Variants in ZNF644 observed in about 807,000 individuals in gnomAD.
ZNF644 encodes the protein zinc finger motif enhancer binding protein 2.
In ZNF644, 20 loss-of-function variants were observed where a neutral mutation model predicts 108.0. The ratio of observed to expected loss-of-function variants is 0.19; its 90% CI spans 0.13 to 0.27. The LOEUF is 0.27. Among genes scored for constraint, ZNF644 ranks in the 10% least tolerant of loss-of-function variants. ZNF644 has a pLI of 1.00. For synonymous variants in ZNF644, 542 were observed against 539.1 expected, an observed-to-expected ratio of 1.01 and a Z score of -0.08; for missense variants, 1,338 against 1,548.9, an observed-to-expected ratio of 0.86 and a Z score of 2.29.
chr1:90,965,768 A>G (rs1180697214), intron 2 of ZNF644, among the ~76,000 whole-genome samples: 1 of 151,852 alleles, frequency 6.6e-6, no homozygotes, highest in African/African-American at 2.4e-5. Context: ...CTTTTTTTTG[A>G]GATGGAGTTT....
At chr1:90,959,331 A>G (rs759329483) in intron 2 of ZNF644, among the ~76,000 whole-genome samples, 3 of 152,208 alleles carry the variant, frequency 2.0e-5, no homozygotes, top group Non-Finnish European at 4.4e-5. Context: ...AGTATGGATA[A>G]TAAGTTTGGC....
In ZNF644 at chr1:91,012,852, C is replaced by T. The variant is rs185733588; in HGVS notation, c.-18+9138G>A. On this transcript the variant is annotated intron_variant, in intron 1 of 5. Coordinates refer to ENST00000337393, the MANE Select transcript of ZNF644 (RefSeq NM_201269.3). ...CTGTATGTTATACCTAAAAAAAATA[C>T]TTAAAAACAAGTAACCAATTAATAG... 5.5e-3 allele frequency among the ~76,000 whole-genome samples: 829 copies of T among 151,968 alleles called. 6 individuals are homozygous for T. The highest frequency in any genetic ancestry group is 0.01 in the Middle Eastern group (3 of 294).
At chr1:90,929,662 C>T (rs1650493171) in intron 4 of ZNF644, among the ~76,000 whole-genome samples, 1 of 152,142 alleles carries the variant, frequency 6.6e-6, no homozygotes, top group Non-Finnish European at 1.5e-5. Flanking sequence ...TCAGAAAGTG[C>T]TCCCATAGCA....
intron 2 of ZNF644, among the ~76,000 whole-genome samples, chr1:90,979,223 G>C (rs1656301916): frequency 6.6e-6 from 1 of 152,186 alleles, no homozygotes; most frequent in East Asian, 1.9e-4. Context: ...TGTAATCCCA[G>C]CACTTCGGAA....
intron 1 of ZNF644, among the ~76,000 whole-genome samples, chr1:91,010,859 CCAGA>C (rs1435830560): frequency 2.6e-5 from 4 of 152,042 alleles, no homozygotes; most frequent in African/African-American, 9.7e-5. Context: ...GGAAATACAA[CCAGA>C]CAAACAAGAC....
At chr1:90,952,197 T>C (rs969307819) in intron 2 of ZNF644, among the ~76,000 whole-genome samples, 1 of 152,240 alleles carries the variant, frequency 6.6e-6, no homozygotes, top group Non-Finnish European at 1.5e-5. Context: ...TTGGTTTAGC[T>C]GTAAAGACTG....
At chr1:91,017,881 G>C (rs952831761) in intron 1 of ZNF644, among the ~76,000 whole-genome samples, 1 of 152,188 alleles carries the variant, frequency 6.6e-6, no homozygotes, top group Admixed American at 6.5e-5. Flanking sequence ...AGAATCACTT[G>C]AACCTGAGAG....
intron 1 of ZNF644, among the ~76,000 whole-genome samples, chr1:90,995,904 A>ATGT (rs1658101407): frequency 6.6e-6 from 1 of 152,226 alleles, no homozygotes; most frequent in African/African-American, 2.4e-5. Context: ...GAACCTGACC[A>ATGT]TGTTGGCACT....
intron 2 of ZNF644, among the ~76,000 whole-genome samples, chr1:90,945,921 T>C (rs1229980115): frequency 6.6e-6 from 1 of 152,078 alleles, no homozygotes; most frequent in Non-Finnish European, 1.5e-5. Context: ...TATTAGTTCA[T>C]TAATTGCTAT....
intron 1 of ZNF644, among the ~76,000 whole-genome samples, chr1:91,006,450 G>A (rs1255892114): frequency 6.6e-6 from 1 of 152,034 alleles, no homozygotes; most frequent in African/African-American, 2.4e-5. Flanking sequence ...TGCTTCCCTG[G>A]AATCTGGGGA....
At chr1:91,020,358 T>C (rs1212528198) in intron 1 of ZNF644, 4 of 152,206 alleles carry the variant, frequency 2.6e-5, no homozygotes, top group Non-Finnish European at 5.9e-5. Context: ...CAAGGAATTC[T>C]GTTAATTGCC....
intron 2 of ZNF644, among the ~76,000 whole-genome samples, chr1:90,961,754 T>C (rs1448152736): frequency 6.6e-6 from 1 of 152,128 alleles, no homozygotes; most frequent in East Asian, 1.9e-4. Flanking sequence ...CATTTAAAAT[T>C]TGTTTAATTT....
At chr1:90,993,541 G>T (rs893051829) in intron 1 of ZNF644, among the ~76,000 whole-genome samples, 1 of 152,164 alleles carries the variant, frequency 6.6e-6, no homozygotes, top group Non-Finnish European at 1.5e-5. Context: ...TTAGCTAACT[G>T]ACAGAGCAAC....
chr1:90,946,364 A>T (rs1652517758), intron 2 of ZNF644, among the ~76,000 whole-genome samples: 1 of 152,084 alleles, frequency 6.6e-6, no homozygotes, highest in African/African-American at 2.4e-5. Context: ...CCAAATAATA[A>T]AATGGTTCAG....
At chr1:90,998,529 G>A (rs1034746602) in intron 1 of ZNF644, among the ~76,000 whole-genome samples, 4 of 152,124 alleles carry the variant, frequency 2.6e-5, no homozygotes, top group South Asian at 2.1e-4. Context: ...GGACATCCAC[G>A]CCAAAACCCC....
chr1:90,982,046 G>T (rs1379008958), intron 2 of ZNF644, among the ~76,000 whole-genome samples: 1 of 151,978 alleles, frequency 6.6e-6, no homozygotes, highest in Non-Finnish European at 1.5e-5. Context: ...TAACATTTTA[G>T]AATATTCACT....
intron 2 of ZNF644, among the ~76,000 whole-genome samples, chr1:90,945,474 A>G (rs1429500928): frequency 6.6e-6 from 1 of 152,126 alleles, no homozygotes; most frequent in East Asian, 1.9e-4. Context: ...TCTGTCTTCA[A>G]GATGACAGAT....
At chr1:90,917,566 C>T (rs1421620700) in intron 5 of ZNF644, among the ~76,000 whole-genome samples, 4 of 152,112 alleles carry the variant, frequency 2.6e-5, no homozygotes, top group South Asian at 2.1e-4. Flanking sequence ...GGCACGATCT[C>T]GGCCCACTGC....
chr1:90,932,770 ATTTTTTTTAATGAG>A (rs1557556664), intron 4 of ZNF644, among the ~76,000 whole-genome samples: 1 of 152,012 alleles, frequency 6.6e-6, no homozygotes, highest in Non-Finnish European at 1.5e-5. Flanking sequence ...GATCAAGAAG[ATTTTTTTTAATGAG>A]GGAAAAAATG....
Sources: gnomAD v4.1 joint callset for allele counts (sites outside exome capture counted in the v4.1 genomes callset) on GRCh38, gnomAD v4.1.1 for gene constraint, MANE v1.5 for transcripts, NCBI Gene and HGNC (gene_info 2026-07-23, HGNC 2026-07-21) for gene names.